The following FMNL2 variants were observed in gnomAD, a reference collection of about 807,000 sequenced individuals.
The protein encoded by FMNL2 is formin-like protein 2.
A neutral mutation model predicts 130.2 loss-of-function variants in FMNL2; 51 were observed. The ratio of observed to expected loss-of-function variants is 0.39; its 90% CI spans 0.31 to 0.49. The LOEUF (loss-of-function observed/expected upper bound fraction) is 0.49, where lower values mean the gene tolerates loss of function less well. FMNL2 is among the 20% of genes least tolerant of loss of function. The pLI, the probability that FMNL2 is intolerant of heterozygous loss-of-function variation, is 0.85. For missense variants in FMNL2, 977 were observed against 1,316.2 expected (o/e 0.74, Z 3.99); for synonymous variants, 465 against 467.1 (o/e 1.00, Z 0.06).
At position 152,499,155 on chromosome 2, in the gene FMNL2, G is replaced by A. The variant is rs1691674100; in HGVS notation, c.118-22788G>A. Among the ~76,000 whole-genome samples, 8 of 152,296 alleles carry A rather than the reference G, an allele frequency of 5.3e-5. No individual in the cohort carries two copies. The South Asian group carries it at 1.7e-3, about 32-fold the overall frequency. ...TGTGAAGCCTGATTGGGGAGTCAAA[G>A]TCCCAGTGGAAAAGTGTTGATGAGA... On this transcript the variant is annotated intron_variant, in intron 1 of 25. Coordinates refer to ENST00000288670, the MANE Select transcript of FMNL2 (RefSeq NM_052905.4).
At chr2:152,485,676 C>T (rs999479442) in intron 1 of FMNL2, among the ~76,000 whole-genome samples, 5 of 152,090 alleles carry the variant, frequency 3.3e-5, no homozygotes, top group African/African-American at 1.2e-4. Flanking sequence ...TTTAAAAAAT[C>T]GAATGTTTTA....
At chr2:152,480,945 T>G (rs1314941746) in intron 1 of FMNL2, among the ~76,000 whole-genome samples, 1 of 152,204 alleles carries the variant, frequency 6.6e-6, no homozygotes, top group Non-Finnish European at 1.5e-5. Context: ...TTGGCCTCTC[T>G]GTTAGGCATA....
chr2:152,440,354 T>G (rs114534429), intron 1 of FMNL2, among the ~76,000 whole-genome samples: 1 of 152,188 alleles, frequency 6.6e-6, no homozygotes. Flanking sequence ...TAAATGTGCA[T>G]GCTGTGACTT....
In FMNL2 at chr2:152,648,901, T is replaced by TAAG. The variant is rs1326875160; in HGVS notation, c.*997_*999dup. The TAAG allele has an allele frequency of 2.0e-5, 3 of 152,584 alleles. No individual in the cohort carries two copies. Among genetic ancestry groups the TAAG allele is most frequent in the Admixed American group, 2.0e-4 (3 of 15,290 alleles). The allele number at this position is 152,584 out of a possible 1,614,324, so 9.5% of individuals were successfully genotyped here. The stretch of plus-strand genomic sequence containing the variant: ...AGACTACTTATGGAGAATTGCAGTT[T>TAAG]AAGTTGCTGAAAAGTATTAACATGG... On this transcript the variant is annotated 3_prime_UTR_variant, in exon 26 of 26. Transcript: ENST00000288670.
chr2:152,350,883 A>G (rs7602756), intron 1 of FMNL2, among the ~76,000 whole-genome samples: 11,889 of 152,112 alleles, frequency 0.078, 504 homozygotes, highest in African/African-American at 0.1. Flanking sequence ...TGTCTCTATT[A>G]TAAATACAAA....
intron 1 of FMNL2, among the ~76,000 whole-genome samples, chr2:152,472,598 G>A (rs184733958): frequency 1.8e-4 from 27 of 152,258 alleles, no homozygotes; most frequent in Middle Eastern, 3.4e-3. Context: ...AGTACAAGGC[G>A]TATGCATTAT....
chr2:152,382,950 T>G, intron 1 of FMNL2, among the ~76,000 whole-genome samples: 1 of 152,202 alleles, frequency 6.6e-6, no homozygotes, highest in South Asian at 2.1e-4. Flanking sequence ...GTAGCTGCCT[T>G]AACATAGGGC....
At chr2:152,343,187 T>TC (rs1681909805) in intron 1 of FMNL2, among the ~76,000 whole-genome samples, 1 of 152,238 alleles carries the variant, frequency 6.6e-6, no homozygotes, top group Non-Finnish European at 1.5e-5. Context: ...GCTGAAAGCC[T>TC]TGAGGTGTTT....
chr2:152,631,774 G>C (rs1261588770), intron 20 of FMNL2, among the ~76,000 whole-genome samples: 2 of 152,170 alleles, frequency 1.3e-5, no homozygotes. Context: ...GGTGCTTAGA[G>C]TCATCCCTAT....
At chr2:152,629,216 G>A (rs933677887) in intron 18 of FMNL2, among the ~76,000 whole-genome samples, 3 of 152,164 alleles carry the variant, frequency 2.0e-5, no homozygotes, top group African/African-American at 7.2e-5. Context: ...TTGAAAACAT[G>A]TTCTGAGAAC....
intron 1 of FMNL2, among the ~76,000 whole-genome samples, chr2:152,508,617 T>C (rs1692313980): frequency 1.3e-5 from 2 of 152,228 alleles, no homozygotes; most frequent in Admixed American, 1.3e-4. Flanking sequence ...AATGCAAAGA[T>C]TGAATGGTCA....
At chr2:152,605,084 T>G (rs2105836180) in intron 9 of FMNL2, among the ~76,000 whole-genome samples, 1 of 151,802 alleles carries the variant, frequency 6.6e-6, no homozygotes, top group South Asian at 2.1e-4. Context: ...AACAAACCTT[T>G]CATTTCCAGG....
intron 1 of FMNL2, among the ~76,000 whole-genome samples, chr2:152,348,917 C>T (rs928886160): frequency 1.1e-4 from 14 of 121,860 alleles, no homozygotes; most frequent in African/African-American, 4.8e-4. Context: ...TCACTGCAAG[C>T]TCCGCTTCCC....
At chr2:152,434,499 G>T (rs1323100595) in intron 1 of FMNL2, among the ~76,000 whole-genome samples, 1 of 152,150 alleles carries the variant, frequency 6.6e-6, no homozygotes, top group African/African-American at 2.4e-5. Context: ...AAACTTGAGT[G>T]CTTCCTTGGC....
At chr2:152,383,730 A>G (rs900810926) in intron 1 of FMNL2, among the ~76,000 whole-genome samples, 3 of 152,204 alleles carry the variant, frequency 2.0e-5, no homozygotes, top group Non-Finnish European at 4.4e-5. Context: ...AAAGAAAGCC[A>G]TTGAGGAAAC....
At chr2:152,427,508 G>C (rs1270523194) in intron 1 of FMNL2, among the ~76,000 whole-genome samples, 1 of 152,144 alleles carries the variant, frequency 6.6e-6, no homozygotes, top group Non-Finnish European at 1.5e-5. Flanking sequence ...TCATGCCACT[G>C]CACTCCAGCC....
intron 1 of FMNL2, among the ~76,000 whole-genome samples, chr2:152,344,168 A>C (rs1366751996): frequency 6.6e-6 from 1 of 152,160 alleles, no homozygotes; most frequent in Non-Finnish European, 1.5e-5. Context: ...AAACAAAAAC[A>C]AAAACAGAAA....
chr2:152,359,561 T>C (rs1318305356), intron 1 of FMNL2, among the ~76,000 whole-genome samples: 1 of 150,710 alleles, frequency 6.6e-6, no homozygotes, highest in South Asian at 2.1e-4. Flanking sequence ...AAGTGTGGAG[T>C]TGATTTTTTT....
At chr2:152,447,378 T>C (rs187082319) in intron 1 of FMNL2, among the ~76,000 whole-genome samples, 12 of 152,338 alleles carry the variant, frequency 7.9e-5, no homozygotes, top group Admixed American at 7.2e-4. Flanking sequence ...TTTGGGATTA[T>C]TGGTGTGAGT....
Sources: gnomAD v4.1 joint callset for allele counts (sites outside exome capture counted in the v4.1 genomes callset) on GRCh38, gnomAD v4.1.1 for gene constraint, MANE v1.5 for transcripts, NCBI Gene and HGNC (gene_info 2026-07-23, HGNC 2026-07-21) for gene names.